SNX19: variants seen among roughly 807,000 people sequenced by gnomAD.
SNX19 encodes the protein sorting nexin 19.
Under a neutral mutation model 85.2 loss-of-function variants are expected in SNX19, and 60 were observed. That is an observed-to-expected ratio of 0.70 (90% CI 0.57 to 0.87). The LOEUF is 0.87. Ranked by LOEUF, SNX19 falls within the 40% of genes least tolerant of loss-of-function variation. The pLI is 0.00. For synonymous variants in SNX19, 520 were observed against 470.0 expected (o/e 1.11, Z -1.38); for missense variants, 1,201 against 1,217.8 (o/e 0.99, Z 0.21).
Position 130,870,757 on chromosome 11 carries a change from T to TA in SNX19, c.*7664dup, listed in dbSNP as rs1318132704. 1.3e-4 allele frequency among the ~76,000 whole-genome samples: 19 copies of TA among 151,324 alleles called. No homozygotes were observed. Among genetic ancestry groups the TA allele is most frequent in the African/African-American group, 4.6e-4 (19 of 41,188 alleles). The stretch of plus-strand genomic sequence containing the variant: ...ACAAATTTTGCCTCTTAAATAAACA[T>TA]AATCTTTAATTAAGTAAACTTTAAT... On this transcript the variant is annotated 3_prime_UTR_variant, in exon 11 of 11. Coordinates refer to ENST00000265909, the MANE Select transcript of SNX19 (RefSeq NM_014758.3).
At position 130,904,700 on chromosome 11, in the gene SNX19, T is replaced by TC. The variant is rs1300936356; in HGVS notation, c.2443+1252_2443+1253insG. On this transcript the variant is annotated intron_variant, in intron 7 of 10. Coordinates refer to ENST00000265909, the MANE Select transcript of SNX19 (RefSeq NM_014758.3). ...GCCTTAAAGAAAATGGTAGATTTTT[T>TC]TTTGTTTTTTATAATCATATGAGCA... 5.3e-5 allele frequency among the ~76,000 whole-genome samples: 8 copies of TC among 151,642 alleles called. No homozygotes were observed. The South Asian group carries it at 1.7e-3, about 32-fold the overall frequency.
In SNX19 at chr11:130,872,285, T is replaced by C. The variant is rs1353471184; in HGVS notation, c.*6137A>G. Among the ~76,000 whole-genome samples the C allele has an allele frequency of 6.6e-6, 1 of 152,114 alleles. No homozygotes were observed. The highest frequency in any genetic ancestry group is 1.5e-5 in the Non-Finnish European group (1 of 68,024). Reference sequence around the variant, plus strand: ...GGAGGCAGTGCAAAGGCTCCGCAAGTCTGAAAATAGCATAGTGTGTCTGCC... The same window carrying C: ...GGAGGCAGTGCAAAGGCTCCGCAAGCCTGAAAATAGCATAGTGTGTCTGCC... On this transcript the variant is annotated 3_prime_UTR_variant, in exon 11 of 11. Coordinates refer to ENST00000265909, the MANE Select transcript of SNX19 (RefSeq NM_014758.3).
intron 8 of SNX19, among the ~76,000 whole-genome samples, chr11:130,890,792 T>C (rs1195827724): frequency 1.3e-5 from 2 of 152,112 alleles, no homozygotes; most frequent in Non-Finnish European, 2.9e-5. Context: ...GAATCACATA[T>C]AGAGTTCTTT....
In SNX19 at chr11:130,874,185, G is replaced by A. The variant is rs769240164; in HGVS notation, c.*4237C>T. Among the ~76,000 whole-genome samples the A allele has an allele frequency of 6.6e-6, 1 of 151,970 alleles. No homozygotes were observed. The highest frequency in any genetic ancestry group is 1.5e-5 in the Non-Finnish European group (1 of 67,994). On this transcript the variant is annotated 3_prime_UTR_variant, in exon 11 of 11. Coordinates refer to ENST00000265909, the MANE Select transcript of SNX19 (RefSeq NM_014758.3). ...CCACAGGCGAGAGCCACCATGCCCCGCTCATTTTTTATATTTTTTGTAGAG... is the reference window on the plus strand; with the variant it reads ...CCACAGGCGAGAGCCACCATGCCCCACTCATTTTTTATATTTTTTGTAGAG...
In SNX19 at chr11:130,914,584, T is replaced by G. The variant is rs1565556584; in HGVS notation, c.1356A>C (p.Ala452=). 6.2e-7 allele frequency: 1 copy of G among 1,613,988 alleles called. No individual in the cohort carries two copies. The highest frequency in any genetic ancestry group is 2.2e-5 in the East Asian group (1 of 44,874). The change falls in exon 1 of 11, where the codon GCA becomes GCC. Residue 452 remains alanine (A), a synonymous_variant. Coordinates refer to ENST00000265909, the MANE Select transcript of SNX19 (RefSeq NM_014758.3). ...CATCTCCTTGTTCTATCTCCTTGTC[T>G]GCTGTGTCAATATGGATCTCTGGGC... ...NSCPEIHIDT[A]DKEIEQGDVT... is the part of the protein sequence containing the mutation.
At chr11:130,897,079 G>A (rs1456938304) in intron 8 of SNX19, among the ~76,000 whole-genome samples, 1 of 152,064 alleles carries the variant, frequency 6.6e-6, no homozygotes, top group Non-Finnish European at 1.5e-5. Flanking sequence ...AGACTCTGCC[G>A]CAGCTCTCCT....
At position 130,866,824 on chromosome 11, in the gene SNX19, C is replaced by A. The variant is rs1439317771; in HGVS notation, c.*11598G>T. On this transcript the variant is annotated 3_prime_UTR_variant, in exon 11 of 11. Transcript: ENST00000265909. ...GTCCTGGTGTGGGGCAGCAGAAATGCCACTGAGCTAGAAGCTGGAAGACCC... is the reference window on the plus strand; with the variant it reads ...GTCCTGGTGTGGGGCAGCAGAAATGACACTGAGCTAGAAGCTGGAAGACCC... 1 of 152,192 alleles carries A rather than the reference C, an allele frequency of 6.6e-6. No individual in the cohort carries two copies. The highest frequency in any genetic ancestry group is 1.5e-5 in the Non-Finnish European group (1 of 68,052). 9.4% of individuals were successfully genotyped at this position (152,192 alleles called of 1,614,324 possible).
rs759295962 is a variant in SNX19, at chr11:130,879,665, C to A, written c.2805G>T (p.Trp935Cys). The A allele has an allele frequency of 2.0e-5, 32 of 1,613,922 alleles. No individual in the cohort carries two copies. Among genetic ancestry groups the A allele is most frequent in the Non-Finnish European group, 2.6e-5 (31 of 1,179,946 alleles). The change falls in exon 10 of 11, where the codon TGG becomes TGT. Residue 935 changes from tryptophan (W) to cysteine (C), a missense_variant. By Grantham distance (215) the Trp-to-Cys change is radical. Transcript: ENST00000265909. The stretch of plus-strand genomic sequence containing the variant: ...GTTGTAGTGACTCCAGGACTAGACC[C>A]CAGCTCAGCCGGCATTTGTTCACCC... ...ILGVNKCRLSWGLVLESLQQP... is the reference protein window; with the variant it reads ...ILGVNKCRLSCGLVLESLQQP...
intron 8 of SNX19, among the ~76,000 whole-genome samples, chr11:130,888,696 A>G (rs1355083373): frequency 6.6e-6 from 1 of 152,206 alleles, no homozygotes; most frequent in Non-Finnish European, 1.5e-5. Flanking sequence ...AAAAGGCAAG[A>G]TATCTGTGCA....
chr11:130,888,518 T>C (rs1350871342), intron 8 of SNX19, among the ~76,000 whole-genome samples: 1 of 152,190 alleles, frequency 6.6e-6, no homozygotes, highest in East Asian at 1.9e-4. Flanking sequence ...ATACACAATG[T>C]AACTACAACT....
At chr11:130,890,028 A>G (rs1035336097) in intron 8 of SNX19, among the ~76,000 whole-genome samples, 2 of 152,178 alleles carry the variant, frequency 1.3e-5, no homozygotes, top group Non-Finnish European at 2.9e-5. Flanking sequence ...ATTGATTTTT[A>G]TATAAATCAG....
Position 130,879,624 on chromosome 11 carries a change from C to T in SNX19, c.2846G>A (p.Arg949Lys), listed in dbSNP as rs1943513027. ...GTTGGAATAACATTTTCCCACTTAC[C>T]TGTTGATGAGGGGTTGTTGTAGTGA... ...LESLQQPLIN[R>K]HLIYCLGDII... Residue 949 changes from arginine to lysine, a missense_variant and splice_region_variant, in exon 10 of 11, where the codon AGG becomes AAG. Arg to Lys is a conservative substitution (Grantham distance 26, BLOSUM62 2). This residue lies in a region of SNX19 where 285 missense variants were observed against 295.3 expected (regional missense o/e 0.97). Transcript: ENST00000265909. The T allele has an allele frequency of 1.9e-6, 3 of 1,613,468 alleles. No homozygotes were observed. The highest frequency in any genetic ancestry group is 8.5e-7 in the Non-Finnish European group (1 of 1,179,632).
intron 8 of SNX19, chr11:130,903,008 TCACA>T (rs1407800101): frequency 5.0e-6 from 2 of 403,608 alleles, no homozygotes; most frequent in African/African-American, 4.1e-5. Context: ...TATTTTAGGA[TCACA>T]CACAGTGTCT....
rs949581395 is a variant in SNX19, at chr11:130,876,426, CTT to C, written c.*1994_*1995del. 3.3e-5 allele frequency: 5 copies of C among 152,564 alleles called. No homozygotes were observed. Among genetic ancestry groups the C allele is most frequent in the African/African-American group, 4.8e-5 (2 of 41,394 alleles). The allele number at this position is 152,564 out of a possible 1,614,324, so 9.5% of individuals were successfully genotyped here. On this transcript the variant is annotated 3_prime_UTR_variant, in exon 11 of 11. Transcript: ENST00000265909. ...GGTACGTGGAGTAGAGGTGGGGACT[CTT>C]ATATAATACGAAATAAAAATAAGTT...
intron 8 of SNX19, among the ~76,000 whole-genome samples, chr11:130,884,339 C>T (rs1190783451): frequency 6.6e-6 from 1 of 152,166 alleles, no homozygotes; most frequent in Non-Finnish European, 1.5e-5. Context: ...GATTTCTACA[C>T]TGCATCTTTC....
intron 8 of SNX19, among the ~76,000 whole-genome samples, chr11:130,885,670 T>C (rs1944008211): frequency 6.6e-6 from 1 of 152,220 alleles, no homozygotes; most frequent in African/African-American, 2.4e-5. Context: ...AAATGCCTGG[T>C]GCAGTCTAAA....
Position 130,875,410 on chromosome 11 carries a change from A to G in SNX19, c.*3012T>C, listed in dbSNP as rs981307561. 1.3e-5 allele frequency: 2 copies of G among 152,206 alleles called. No individual in the cohort carries two copies. The highest frequency in any genetic ancestry group is 3.8e-4 in the East Asian group (2 of 5,200). 9.4% of individuals were successfully genotyped at this position (152,206 alleles called of 1,614,324 possible). ...AAACTTTTGGTTATGCAAGATGAAA[A>G]ACTTGTAGCAGTCTGCTACAAAGCA... On this transcript the variant is annotated 3_prime_UTR_variant, in exon 11 of 11. Coordinates refer to ENST00000265909, the MANE Select transcript of SNX19 (RefSeq NM_014758.3).
rs1943251670 is a variant in SNX19 at position 130,876,384 on chromosome 11, A to G, written c.*2038T>C. The G allele has an allele frequency of 6.6e-6, 1 of 152,528 alleles. No homozygotes were observed. Among genetic ancestry groups the G allele is most frequent in the Non-Finnish European group, 1.5e-5 (1 of 68,048 alleles). 9.4% of individuals were successfully genotyped at this position (152,528 alleles called of 1,614,324 possible). ...TCCTGGGTAGAAGGAGGATCTGAGG[A>G]CAGCTTATCTTTTTGGGGTACGTGG... On this transcript the variant is annotated 3_prime_UTR_variant, in exon 11 of 11. Transcript: ENST00000265909.
chr11:130,891,866 A>G (rs1458234984), intron 8 of SNX19, among the ~76,000 whole-genome samples: 3 of 145,536 alleles, frequency 2.1e-5, no homozygotes, highest in Non-Finnish European at 4.5e-5. Context: ...TTTTTGAGAC[A>G]GTCTCATTCT....
Sources: allele counts gnomAD v4.1 joint callset (sites outside exome capture counted in the v4.1 genomes callset), GRCh38; gene constraint gnomAD v4.1.1; regional missense constraint gnomAD v4.1.1; transcripts MANE v1.5; gene names NCBI Gene and HGNC (gene_info 2026-07-23, HGNC 2026-07-21).